The following GALNT13 variants were observed in gnomAD, a reference collection of about 807,000 sequenced individuals.
The protein encoded by GALNT13 is UDP-GalNAc:polypeptide N-acetylgalactosaminyltransferase 13.
In GALNT13, 28 loss-of-function variants were observed where a neutral mutation model predicts 64.2. The observed-to-expected ratio is 0.44, with a 90% confidence interval of 0.32 to 0.60. The LOEUF (loss-of-function observed/expected upper bound fraction) is 0.60. GALNT13 is among the 20% of genes least tolerant of loss of function. The probability of loss-of-function intolerance (pLI) is 0.05; values close to 1 mark genes in which losing one functional copy is unlikely to be tolerated. For synonymous variants in GALNT13, 214 were observed against 224.6 expected, an observed-to-expected ratio of 0.95 and a Z score of 0.42; for missense variants, 577 against 669.8, an observed-to-expected ratio of 0.86 and a Z score of 1.53.
At chr2:154,232,306 T>A (rs1688959035) in intron 4 of GALNT13, among the ~76,000 whole-genome samples, 1 of 152,150 alleles carries the variant, frequency 6.6e-6, no homozygotes, top group Non-Finnish European at 1.5e-5. Flanking sequence ...ATCCTGTCAA[T>A]GTTCTGCTCT....
chr2:153,238,834 T>C, the GALNT13 span, among the ~76,000 whole-genome samples: 3 of 152,172 alleles, frequency 2.0e-5, no homozygotes, highest in Non-Finnish European at 4.4e-5. Context: ...GAGTCTTTTG[T>C]AATTCTATAT....
chr2:153,811,408 A>G, the GALNT13 span, among the ~76,000 whole-genome samples: 3 of 152,172 alleles, frequency 2.0e-5, no homozygotes, highest in Non-Finnish European at 4.4e-5. Context: ...TTGCTGAGAA[A>G]CTGAATCAAA....
chr2:153,611,679 C>CTTTTTTTT, the GALNT13 span, among the ~76,000 whole-genome samples: 10 of 104,392 alleles, frequency 9.6e-5, no homozygotes, highest in Non-Finnish European at 1.3e-4. Flanking sequence ...ACATTTTTAC[C>CTTTTTTTT]TTTTTTTTTT....
the GALNT13 span, among the ~76,000 whole-genome samples, chr2:153,595,758 C>A: frequency 6.6e-6 from 1 of 152,050 alleles, no homozygotes; most frequent in Non-Finnish European, 1.5e-5. Context: ...AATTGTCCTA[C>A]CATGATTTTG....
intron 3 of GALNT13, among the ~76,000 whole-genome samples, chr2:153,964,001 T>G (rs1693142682): frequency 6.6e-6 from 1 of 152,110 alleles, no homozygotes; most frequent in South Asian, 2.1e-4. Flanking sequence ...TTCTGGAAGA[T>G]TTATGGTTTT....
At chr2:154,405,078 A>C (rs935779713) in intron 10 of GALNT13, among the ~76,000 whole-genome samples, 1 of 152,192 alleles carries the variant, frequency 6.6e-6, no homozygotes, top group African/African-American at 2.4e-5. Context: ...GCACACCAGT[A>C]CTTTATGCTC....
intron 7 of GALNT13, among the ~76,000 whole-genome samples, chr2:154,251,091 G>T (rs1450766498): frequency 6.6e-6 from 1 of 152,008 alleles, no homozygotes; most frequent in African/African-American, 2.4e-5. Flanking sequence ...AATAGTTTAG[G>T]GGATAATTTG....
chr2:153,709,066 G>T, the GALNT13 span, among the ~76,000 whole-genome samples: 6 of 151,992 alleles, frequency 3.9e-5, no homozygotes, highest in African/African-American at 1.2e-4. Context: ...CATGACATTG[G>T]TCTGCGCAAT....
At chr2:153,325,421 A>G in the GALNT13 span, among the ~76,000 whole-genome samples, 2 of 143,828 alleles carry the variant, frequency 1.4e-5, no homozygotes, top group African/African-American at 2.4e-5. Flanking sequence ...CAGTCTGTCT[A>G]TTTTGTTAAC....
chr2:153,614,920 A>G, the GALNT13 span, among the ~76,000 whole-genome samples: 1 of 152,086 alleles, frequency 6.6e-6, no homozygotes, highest in Non-Finnish European at 1.5e-5. Context: ...TATACAATTA[A>G]GTTACTATTG....
chr2:153,355,314 G>A, the GALNT13 span, among the ~76,000 whole-genome samples: 1 of 152,076 alleles, frequency 6.6e-6, no homozygotes, highest in Non-Finnish European at 1.5e-5. Flanking sequence ...GAGATGTTAT[G>A]AATAAATGTA....
At chr2:153,540,743 T>G in the GALNT13 span, among the ~76,000 whole-genome samples, 1 of 152,250 alleles carries the variant, frequency 6.6e-6, no homozygotes, top group African/African-American at 2.4e-5. Flanking sequence ...ATTTAATGAC[T>G]GCCCCGCTGG....
the GALNT13 span, among the ~76,000 whole-genome samples, chr2:153,464,369 A>T: frequency 6.6e-6 from 1 of 152,066 alleles, no homozygotes; most frequent in South Asian, 2.1e-4. Flanking sequence ...TCTCTCTCTG[A>T]TCAGAGTTTA....
the GALNT13 span, among the ~76,000 whole-genome samples, chr2:153,781,084 G>A: frequency 6.6e-6 from 1 of 152,226 alleles, no homozygotes; most frequent in Non-Finnish European, 1.5e-5. Flanking sequence ...TGCAGTAGAG[G>A]GTGACAGAGG....
the GALNT13 span, among the ~76,000 whole-genome samples, chr2:153,081,204 CTAT>C: frequency 1.3e-5 from 2 of 151,630 alleles, no homozygotes; most frequent in Non-Finnish European, 2.9e-5. Context: ...ATCTCCTTTT[CTAT>C]TATTTACTTT....
At chr2:153,804,297 T>TAGCTGGACCACAGGCATGTGCCATCATC in the GALNT13 span, among the ~76,000 whole-genome samples, 1 of 152,178 alleles carries the variant, frequency 6.6e-6, no homozygotes, top group Non-Finnish European at 1.5e-5. Flanking sequence ...GCCTTTCCAG[T>TAGCTGGACCACAGGCATGTGCCATCATC]AGCTGGACCA....
intron 8 of GALNT13, among the ~76,000 whole-genome samples, chr2:154,273,991 ATT>A (rs779697976): frequency 3.0e-4 from 45 of 152,140 alleles, no homozygotes; most frequent in Non-Finnish European, 5.1e-4. Context: ...TTTTCTCATT[ATT>A]TTGTTTCTTA....
the GALNT13 span, among the ~76,000 whole-genome samples, chr2:153,285,062 G>A: frequency 6.7e-6 from 1 of 149,930 alleles, no homozygotes; most frequent in Middle Eastern, 3.5e-3. Flanking sequence ...AGGTTTAATT[G>A]ACTCACAGTT....
the GALNT13 span, among the ~76,000 whole-genome samples, chr2:153,413,479 C>T: frequency 1.3e-5 from 2 of 152,182 alleles, no homozygotes; most frequent in Non-Finnish European, 2.9e-5. Flanking sequence ...CATACAACTA[C>T]ATCCATATCC....
Sources: allele counts gnomAD v4.1 joint callset (sites outside exome capture counted in the v4.1 genomes callset), GRCh38; gene constraint gnomAD v4.1.1; transcripts MANE v1.5; gene names NCBI Gene and HGNC (gene_info 2026-07-23, HGNC 2026-07-21).